Variants in TBX15 observed in about 807,000 individuals in gnomAD.
TBX15 encodes T-box transcription factor TBX15.
Under a neutral mutation model 53.9 loss-of-function variants are expected in TBX15, and 18 were observed. The ratio of observed to expected loss-of-function variants is 0.33; its 90% confidence interval spans 0.23 to 0.49. The LOEUF (loss-of-function observed/expected upper bound fraction) is 0.49, where lower values mean the gene tolerates loss of function less well. Among genes scored for constraint, TBX15 ranks in the 20% least tolerant of loss-of-function variants. The pLI, the probability that TBX15 is intolerant of heterozygous loss-of-function variation, is 0.98. For missense variants in TBX15, 692 were observed against 749.5 expected, an observed-to-expected ratio of 0.92 and a Z score of 0.90; for synonymous variants, 295 against 278.0, an observed-to-expected ratio of 1.06 and a Z score of -0.61.
At chr1:118,919,675 C>G (rs1401085004) in intron 5 of TBX15, among the ~76,000 whole-genome samples, 1 of 152,094 alleles carries the variant, frequency 6.6e-6, no homozygotes, top group African/African-American at 2.4e-5. Flanking sequence ...ATTTGCCAAC[C>G]ATATATATTC....
At chr1:118,982,816 C>T (rs1657691854) in intron 1 of TBX15, among the ~76,000 whole-genome samples, 1 of 152,196 alleles carries the variant, frequency 6.6e-6, no homozygotes, top group Non-Finnish European at 1.5e-5. Context: ...TCCCTTCCTC[C>T]CTGCATGAAG....
chr1:118,898,104 G>T (rs1454609486), intron 7 of TBX15, among the ~76,000 whole-genome samples: 1 of 152,142 alleles, frequency 6.6e-6, no homozygotes, highest in Non-Finnish European at 1.5e-5. Flanking sequence ...AAATAATGCA[G>T]ACGATAAAAC....
rs3060806 is a variant in TBX15, at chr1:118,933,463, CAAA to C, written c.206-1634_206-1632del. 2.9e-4 allele frequency among the ~76,000 whole-genome samples: 43 copies of C among 146,488 alleles called. No individual in the cohort carries two copies. In the East Asian group the frequency reaches 4.2e-3, roughly 14 times the overall value. ...TCCCTCCCCCTCTGCCCCCCACCCA[CAAA>C]AAAAAAAAACTATAAAGTTTTATAA... On this transcript the variant is annotated intron_variant, in intron 1 of 7. Coordinates refer to ENST00000369429, the MANE Select transcript of TBX15 (RefSeq NM_001330677.2).
chr1:118,978,020 G>A (rs1657495225), intron 1 of TBX15, among the ~76,000 whole-genome samples: 1 of 152,112 alleles, frequency 6.6e-6, no homozygotes, highest in African/African-American at 2.4e-5. Context: ...TTATTTCTGG[G>A]AATGGCACAG....
At chr1:118,922,679 T>A (rs1655461627) in intron 5 of TBX15, among the ~76,000 whole-genome samples, 1 of 152,326 alleles carries the variant, frequency 6.6e-6, no homozygotes, top group South Asian at 2.1e-4. Context: ...ATGAGTAGAA[T>A]GTACTCATGT....
chr1:118,893,356 G>GGAAA (rs200654722), intron 7 of TBX15, among the ~76,000 whole-genome samples: 3,168 of 50,860 alleles, frequency 0.062, 178 homozygotes, highest in Non-Finnish European at 0.08. Flanking sequence ...AAGGAAGGAA[G>GGAAA]GAAAGAAAGA....
intron 1 of TBX15, among the ~76,000 whole-genome samples, chr1:118,942,625 G>T (rs1007476940): frequency 6.6e-6 from 1 of 152,278 alleles, no homozygotes; most frequent in South Asian, 2.1e-4. Flanking sequence ...GCTTTTCCTT[G>T]CATGACTGTG....
At position 118,988,299 on chromosome 1, in the gene TBX15, G is replaced by A. The variant is rs1657914746; in HGVS notation, c.-504C>T. 1 of 155,736 alleles carries A rather than the reference G, an allele frequency of 6.4e-6. No homozygotes were observed. Among genetic ancestry groups the A allele is most frequent in the Non-Finnish European group, 1.4e-5 (1 of 70,808 alleles). 9.6% of individuals were successfully genotyped at this position (155,736 alleles called of 1,614,324 possible). On this transcript the variant is annotated 5_prime_UTR_variant, in exon 1 of 8. Transcript: ENST00000369429. ...TTCCTCCCTTCCCGAGGAACAGGGG[G>A]CAGGCGGTGCGCTCCTGTCCGAGGG...
chr1:118,893,490 GAAAGAAAGAAA>G (rs1654268373), intron 7 of TBX15, among the ~76,000 whole-genome samples: 2 of 85,232 alleles, frequency 2.3e-5, no homozygotes, highest in South Asian at 3.6e-4. Context: ...AGGAAGGAAA[GAAAGAAAGAAA>G]GAAAGAAAGA....
chr1:118,989,381 A>T (rs1179236935), upstream of TBX15: 1 of 152,212 alleles, frequency 6.6e-6, no homozygotes, highest in Non-Finnish European at 1.5e-5. Context: ...CCACCGGTCG[A>T]GGACGGCAGG....
intron 7 of TBX15, among the ~76,000 whole-genome samples, chr1:118,894,588 G>A (rs769773628): frequency 3.0e-4 from 46 of 152,124 alleles, no homozygotes; most frequent in East Asian, 1.2e-3. Flanking sequence ...GAGAGGTGAC[G>A]TCAGTGCAGA....
intron 5 of TBX15, among the ~76,000 whole-genome samples, chr1:118,919,314 C>T (rs1655347725): frequency 6.6e-6 from 1 of 152,200 alleles, no homozygotes; most frequent in Admixed American, 6.5e-5. Flanking sequence ...TAAGAAAAAG[C>T]ATGAAGTGTT....
chr1:118,936,519 T>TG (rs1481397292), intron 1 of TBX15, among the ~76,000 whole-genome samples: 1 of 151,660 alleles, frequency 6.6e-6, no homozygotes, highest in East Asian at 1.9e-4. Context: ...ATCTTTACCA[T>TG]GGGGGGTGGG....
chr1:118,909,266 GA>G (rs1326944548), intron 6 of TBX15, among the ~76,000 whole-genome samples: 4 of 152,226 alleles, frequency 2.6e-5, no homozygotes, highest in African/African-American at 9.6e-5. Flanking sequence ...TTTTACTATA[GA>G]TAAAGGTGTT....
intron 1 of TBX15, among the ~76,000 whole-genome samples, chr1:118,958,436 G>T (rs569246823): frequency 2.0e-5 from 3 of 152,264 alleles, no homozygotes; most frequent in South Asian, 4.1e-4. Context: ...AAACAGACAG[G>T]ATCAGTATTC....
Position 118,931,754 on chromosome 1 carries a change from A to G in TBX15, c.284T>C (p.Leu95Pro), listed in dbSNP as rs1369278561. The stretch of plus-strand genomic sequence containing the variant: ...CACAGGGCCTGCAGCACCAGAGGCC[A>G]GGTCAGTGTGAGTACTGAAGGAGCA... Reference protein sequence around the residue: ...TSCSFSTHTDLASGAAGPVPA... With the variant: ...TSCSFSTHTDPASGAAGPVPA... The change falls in exon 2 of 8, where the codon CTG becomes CCG. Residue 95 changes from leucine (L) to proline (P), a missense_variant. Leu to Pro is a moderately conservative substitution (Grantham distance 98). Around this residue, in one of 3 missense-constraint regions of TBX15, gnomAD observed 307 missense variants for 347.5 expected, o/e 0.88. Coordinates refer to ENST00000369429, the MANE Select transcript of TBX15 (RefSeq NM_001330677.2). 2 of 1,613,398 alleles carry G rather than the reference A, an allele frequency of 1.2e-6. No individual in the cohort carries two copies. Among genetic ancestry groups the G allele is most frequent in the Non-Finnish European group, 1.7e-6 (2 of 1,179,640 alleles).
intron 1 of TBX15, among the ~76,000 whole-genome samples, chr1:118,960,155 G>T (rs1312880103): frequency 3.9e-5 from 6 of 152,070 alleles, no homozygotes; most frequent in African/African-American, 1.4e-4. Flanking sequence ...GAGGCGGGAT[G>T]GGGGACCCCC....
intron 1 of TBX15, among the ~76,000 whole-genome samples, chr1:118,963,167 C>T (rs548808395): frequency 6.6e-6 from 1 of 152,312 alleles, no homozygotes; most frequent in Non-Finnish European, 1.5e-5. Context: ...TGACAGACCT[C>T]ACATCCTTAG....
intron 1 of TBX15, among the ~76,000 whole-genome samples, chr1:118,951,571 T>C (rs578064357): frequency 1.3e-5 from 2 of 152,342 alleles, no homozygotes; most frequent in East Asian, 3.9e-4. Context: ...TTAGCTCTTC[T>C]TGGCAATTTT....
Sources: gnomAD v4.1 joint callset for allele counts (sites outside exome capture counted in the v4.1 genomes callset) on GRCh38, gnomAD v4.1.1 for gene constraint, gnomAD v4.1.1 regional missense constraint, MANE v1.5 for transcripts, NCBI Gene and HGNC (gene_info 2026-07-23, HGNC 2026-07-21) for gene names.